INPP4B: variants seen among roughly 807,000 people sequenced by gnomAD.
INPP4B encodes inositol polyphosphate-4-phosphatase type II B.
INPP4B carries 55 observed loss-of-function variants against 122.5 expected under a neutral mutation model. The ratio of observed to expected loss-of-function variants is 0.45; its 90% CI spans 0.36 to 0.56. INPP4B has a LOEUF of 0.56. INPP4B is among the 20% of genes least tolerant of loss of function. INPP4B has a pLI of 0.00. For synonymous variants in INPP4B, 403 were observed against 388.7 expected (o/e 1.04, Z -0.43); for missense variants, 1,000 against 1,097.7 (o/e 0.91, Z 1.26).
chr4:142,563,573 G>C (rs1256756375), intron 2 of INPP4B, among the ~76,000 whole-genome samples: 1 of 152,120 alleles, frequency 6.6e-6, no homozygotes, highest in Non-Finnish European at 1.5e-5. Flanking sequence ...ATATATTAGA[G>C]CCATGGAGTT....
chr4:142,438,785 T>C (rs1157624992), intron 3 of INPP4B, among the ~76,000 whole-genome samples: 4 of 151,740 alleles, frequency 2.6e-5, no homozygotes, highest in Admixed American at 2.6e-4. Context: ...TGGGAGAAAA[T>C]TTTTGCAATC....
intron 7 of INPP4B, among the ~76,000 whole-genome samples, chr4:142,379,200 A>C (rs1178338120): frequency 6.6e-6 from 1 of 152,150 alleles, no homozygotes; most frequent in African/African-American, 2.4e-5. Flanking sequence ...AGGGCTTTCC[A>C]AAAGCTGCTG....
chr4:142,470,545 G>A (rs1818625752), intron 2 of INPP4B, among the ~76,000 whole-genome samples: 1 of 152,088 alleles, frequency 6.6e-6, no homozygotes, highest in Non-Finnish European at 1.5e-5. Flanking sequence ...CACCATATGT[G>A]GTTAGCACAA....
At chr4:142,134,797 C>CA (rs58297348) in intron 18 of INPP4B, among the ~76,000 whole-genome samples, 4,359 of 50,922 alleles carry the variant, frequency 0.086, 347 homozygotes, top group African/African-American at 0.16. Flanking sequence ...AACTCTGTCT[C>CA]AAAAAAAAAA....
At chr4:142,545,447 G>A (rs1048626387) in intron 2 of INPP4B, among the ~76,000 whole-genome samples, 1 of 152,020 alleles carries the variant, frequency 6.6e-6, no homozygotes, top group African/African-American at 2.4e-5. Context: ...AGTACTATGT[G>A]ACAGATAGAT....
intron 2 of INPP4B, among the ~76,000 whole-genome samples, chr4:142,570,934 C>CT (rs1057292266): frequency 2.0e-5 from 3 of 151,834 alleles, no homozygotes; most frequent in African/African-American, 7.3e-5. Context: ...CTTTCTTATT[C>CT]TAAGGTTGCA....
Position 142,024,439 on chromosome 4 carries a change from T to C in INPP4B, c.*4343A>G, listed in dbSNP as rs1736400877. ...TTTTTAAGGCCTCCAGCTACTATGA[T>C]GCCTTGTGTTCAATATGTTTCCTTC... On this transcript the variant is annotated 3_prime_UTR_variant, in exon 26 of 26. Transcript: ENST00000262992. 6.6e-6 allele frequency: 1 copy of C among 152,174 alleles called. No homozygotes were observed. The highest frequency in any genetic ancestry group is 6.6e-5 in the Admixed American group (1 of 15,266). 9.4% of individuals were successfully genotyped at this position (152,174 alleles called of 1,614,324 possible). A position where few individuals can be genotyped will look rare whatever the true frequency, so the allele number is the denominator to read the frequency against.
intron 2 of INPP4B, among the ~76,000 whole-genome samples, chr4:142,507,277 AATACTC>A (rs1824152982): frequency 6.6e-6 from 1 of 152,150 alleles, no homozygotes; most frequent in Admixed American, 6.5e-5. Flanking sequence ...GCTCAAGCTA[AATACTC>A]AGTACTAGCT....
At chr4:142,489,513 C>A (rs1037536913) in intron 2 of INPP4B, among the ~76,000 whole-genome samples, 1 of 152,132 alleles carries the variant, frequency 6.6e-6, no homozygotes, top group Non-Finnish European at 1.5e-5. Context: ...CATGCCTCAG[C>A]CTCCTGAGTA....
chr4:142,077,375 T>C (rs1287734599), intron 25 of INPP4B, among the ~76,000 whole-genome samples: 3 of 151,998 alleles, frequency 2.0e-5, no homozygotes, highest in African/African-American at 7.2e-5. Context: ...GTAGTCATCA[T>C]CCTAGAGTTC....
At chr4:142,296,118 G>C (rs900636898) in intron 9 of INPP4B, among the ~76,000 whole-genome samples, 1 of 152,280 alleles carries the variant, frequency 6.6e-6, no homozygotes, top group African/African-American at 2.4e-5. Context: ...TATACAAATT[G>C]AGGAACTATT....
At chr4:142,480,831 T>C (rs769408936) in intron 2 of INPP4B, among the ~76,000 whole-genome samples, 1 of 151,972 alleles carries the variant, frequency 6.6e-6, no homozygotes, top group African/African-American at 2.4e-5. Context: ...AAGACGAAAG[T>C]AGTTTTGGAT....
chr4:142,393,577 A>G (rs916054806), intron 7 of INPP4B, among the ~76,000 whole-genome samples: 10 of 152,362 alleles, frequency 6.6e-5, no homozygotes, highest in African/African-American at 2.4e-4. Flanking sequence ...AAGTGACCAA[A>G]AAGGAGGAAT....
At chr4:142,053,139 G>A (rs1455552517) in intron 25 of INPP4B, among the ~76,000 whole-genome samples, 4 of 151,954 alleles carry the variant, frequency 2.6e-5, no homozygotes, top group Admixed American at 1.3e-4. Context: ...GAAAGGACAC[G>A]GCCAACAGGG....
chr4:142,799,564 G>A lies in INPP4B; in HGVS notation c.-254+46645C>T, dbSNP rs571947899. ...TAAAATATTTTAAGTAAATCTTGAA[G>A]GATTATAAAATAGTACATAAAAATG... On this transcript the variant is annotated intron_variant, in intron 1 of 25. Coordinates refer to ENST00000262992, the MANE Select transcript of INPP4B (RefSeq NM_001101669.3). Among the ~76,000 whole-genome samples the A allele has an allele frequency of 3.4e-3, 512 of 151,778 alleles. 4 individuals are homozygous for A. The highest frequency in any genetic ancestry group is 3.5e-3 in the Non-Finnish European group (240 of 67,792).
rs191820644 is a variant in INPP4B at position 142,795,977 on chromosome 4, T to C, written c.-254+50232A>G. ...AATCACTATTTCCAATTTAAGAATA[T>C]TATCTAATATGAGAAAAATGTACAA... On this transcript the variant is annotated intron_variant, in intron 1 of 25. Coordinates refer to ENST00000262992, the MANE Select transcript of INPP4B (RefSeq NM_001101669.3). Among the ~76,000 whole-genome samples the C allele has an allele frequency of 1.3e-3, 201 of 152,130 alleles. 1 individual carries two copies. The highest frequency in any genetic ancestry group is 4.8e-3 in the African/African-American group (199 of 41,558).
intron 7 of INPP4B, among the ~76,000 whole-genome samples, chr4:142,393,561 T>C (rs1233125008): frequency 6.6e-6 from 1 of 152,144 alleles, no homozygotes. Context: ...TCTCTCAAAA[T>C]TGAGAAAGTG....
At chr4:142,153,019 G>C (rs1815183566) in intron 17 of INPP4B, among the ~76,000 whole-genome samples, 1 of 152,062 alleles carries the variant, frequency 6.6e-6, no homozygotes, top group Admixed American at 6.6e-5. Flanking sequence ...TCTTCAAATT[G>C]AATTTATAAC....
intron 5 of INPP4B, among the ~76,000 whole-genome samples, chr4:142,428,521 T>C (rs1729391732): frequency 1.3e-5 from 2 of 151,892 alleles, no homozygotes; most frequent in African/African-American, 4.8e-5. Flanking sequence ...AATTTCCTAA[T>C]GGTATTTTTG....
Sources: allele counts gnomAD v4.1 joint callset (sites outside exome capture counted in the v4.1 genomes callset), GRCh38; gene constraint gnomAD v4.1.1; transcripts MANE v1.5; gene names NCBI Gene and HGNC (gene_info 2026-07-23, HGNC 2026-07-21).